The following PDE4D variants were observed in gnomAD, a reference collection of about 807,000 sequenced individuals.
PDE4D encodes the protein 3',5'-cyclic-AMP phosphodiesterase 4D.
A neutral mutation model predicts 87.4 loss-of-function variants in PDE4D; 24 were observed. The observed-to-expected ratio is 0.27, with a 90% CI of 0.20 to 0.39. The LOEUF (loss-of-function observed/expected upper bound fraction) is 0.39. PDE4D is among the 10% of genes least tolerant of loss of function. The probability of loss-of-function intolerance (pLI) is 1.00; values close to 1 mark genes in which losing one functional copy is unlikely to be tolerated. For synonymous variants in PDE4D, 384 were observed against 383.2 expected, an observed-to-expected ratio of 1.00 and a Z score of -0.02; for missense variants, 714 against 1,041.0, an observed-to-expected ratio of 0.69 and a Z score of 4.32.
chr5:59,644,440 C>G lies in PDE4D; in HGVS notation c.455+248728G>C, dbSNP rs552051750. Among the ~76,000 whole-genome samples the G allele has an allele frequency of 2.6e-5, 4 of 152,250 alleles. No individual in the cohort carries two copies. The South Asian group carries it at 8.3e-4, about 32-fold the overall frequency. On this transcript the variant is annotated intron_variant, in intron 1 of 14. Transcript: ENST00000340635. ...GTACCTGACTCATCTTTGGCCAGAACAACAGGAGCAAATCTGGTATTACAG... is the reference window on the plus strand; with the variant it reads ...GTACCTGACTCATCTTTGGCCAGAAGAACAGGAGCAAATCTGGTATTACAG...
intron 1 of PDE4D, among the ~76,000 whole-genome samples, chr5:59,372,594 T>G (rs531938792): frequency 6.6e-6 from 1 of 152,192 alleles, no homozygotes; most frequent in Non-Finnish European, 1.5e-5. Context: ...CTATCACTCC[T>G]GCTTGTGGGG....
At chr5:59,905,594 CCT>C (rs1752728979) in intron 3 of PDE4D, among the ~76,000 whole-genome samples, 2 of 152,106 alleles carry the variant, frequency 1.3e-5, no homozygotes, top group East Asian at 1.9e-4. Flanking sequence ...GTTACATTAA[CCT>C]CTCTGTCAGT....
chr5:59,899,335 T>G (rs2152761129), intron 3 of PDE4D, among the ~76,000 whole-genome samples: 1 of 152,198 alleles, frequency 6.6e-6, no homozygotes, highest in African/African-American at 2.4e-5. Flanking sequence ...TATTGAGCAC[T>G]TAATATGTGC....
At chr5:59,852,432 C>A (rs1389524858) in intron 1 of PDE4D, among the ~76,000 whole-genome samples, 1 of 152,060 alleles carries the variant, frequency 6.6e-6, no homozygotes, top group African/African-American at 2.4e-5. Context: ...CATGAAGATC[C>A]TTAAGCTGCC....
chr5:59,009,801 A>C (rs1336286044), intron 6 of PDE4D, among the ~76,000 whole-genome samples: 3 of 152,208 alleles, frequency 2.0e-5, no homozygotes, highest in Non-Finnish European at 4.4e-5. Flanking sequence ...TAACTTTGAA[A>C]AATATTAGCT....
At chr5:59,337,032 G>A (rs1777783031) in intron 1 of PDE4D, among the ~76,000 whole-genome samples, 1 of 152,122 alleles carries the variant, frequency 6.6e-6, no homozygotes, top group Non-Finnish European at 1.5e-5. Flanking sequence ...ATTTTACTGT[G>A]AGCAGGCTCT....
chr5:60,495,832 A>T (rs1749786219), intron 1 of PDE4D, among the ~76,000 whole-genome samples: 1 of 152,228 alleles, frequency 6.6e-6, no homozygotes, highest in African/African-American at 2.4e-5. Flanking sequence ...AAAAGATTAC[A>T]CAGGGGTATC....
At chr5:59,716,847 T>C (rs1349170551) in intron 1 of PDE4D, among the ~76,000 whole-genome samples, 1 of 152,160 alleles carries the variant, frequency 6.6e-6, no homozygotes, top group African/African-American at 2.4e-5. Flanking sequence ...AATCATATAA[T>C]GAAGCCATGT....
chr5:59,410,146 T>C (rs1414673457), intron 1 of PDE4D, among the ~76,000 whole-genome samples: 3 of 152,210 alleles, frequency 2.0e-5, no homozygotes, highest in South Asian at 2.1e-4. Context: ...CACCCTCTTA[T>C]GCTATCAAAT....
chr5:59,663,235 C>A (rs935465734), intron 1 of PDE4D, among the ~76,000 whole-genome samples: 2 of 151,896 alleles, frequency 1.3e-5, no homozygotes, highest in African/African-American at 4.8e-5. Flanking sequence ...CGTGATCTTG[C>A]CTCACTGCGA....
At chr5:59,078,658 G>A (rs1766127111) in intron 5 of PDE4D, among the ~76,000 whole-genome samples, 1 of 151,962 alleles carries the variant, frequency 6.6e-6, no homozygotes, top group African/African-American at 2.4e-5. Flanking sequence ...ACAGGCACAT[G>A]CCACCATGCC....
At chr5:60,498,542 A>T (rs951943997) in intron 1 of PDE4D, among the ~76,000 whole-genome samples, 1 of 152,198 alleles carries the variant, frequency 6.6e-6, no homozygotes, top group Non-Finnish European at 1.5e-5. Flanking sequence ...CCAGCATCCT[A>T]GCTGCTAAGG....
intron 1 of PDE4D, among the ~76,000 whole-genome samples, chr5:59,569,097 C>T (rs968768627): frequency 3.9e-5 from 6 of 152,204 alleles, no homozygotes; most frequent in South Asian, 4.2e-4. Context: ...AAAGTAAACT[C>T]GTACAATCAA....
chr5:59,690,096 T>C (rs1224787181), intron 1 of PDE4D, among the ~76,000 whole-genome samples: 2 of 152,160 alleles, frequency 1.3e-5, no homozygotes, highest in African/African-American at 2.4e-5. Context: ...GAACATTCCA[T>C]GCTCATAGAT....
chr5:59,627,667 T>G (rs73099674), intron 1 of PDE4D, among the ~76,000 whole-genome samples: 1 of 152,172 alleles, frequency 6.6e-6, no homozygotes, highest in Non-Finnish European at 1.5e-5. Context: ...CCTTGAAGCA[T>G]CAGATTTTTA....
intron 3 of PDE4D, among the ~76,000 whole-genome samples, chr5:59,961,989 A>C (rs1759522331): frequency 6.6e-6 from 1 of 152,210 alleles, no homozygotes; most frequent in Non-Finnish European, 1.5e-5. Context: ...GAATGTTTAA[A>C]CAAGTGAAAA....
chr5:59,592,161 G>C (rs1383826909), intron 1 of PDE4D: 2 of 982,814 alleles, frequency 2.0e-6, no homozygotes, highest in East Asian at 1.1e-4. Context: ...CCCAGGAACA[G>C]AACAGTGTCT....
chr5:59,685,724 A>ATT (rs10640783), intron 1 of PDE4D, among the ~76,000 whole-genome samples: 4,016 of 150,720 alleles, frequency 0.027, 144 homozygotes, highest in African/African-American at 0.082. Flanking sequence ...AAAATAACAG[A>ATT]TTTTTTTTTT....
At chr5:59,385,338 T>C (rs984370950) in intron 1 of PDE4D, among the ~76,000 whole-genome samples, 1 of 152,194 alleles carries the variant, frequency 6.6e-6, no homozygotes, top group Non-Finnish European at 1.5e-5. Context: ...TTTTTGGATC[T>C]TGCATCACTA....
Sources: allele counts gnomAD v4.1 joint callset (sites outside exome capture counted in the v4.1 genomes callset), GRCh38; gene constraint gnomAD v4.1.1; transcripts MANE v1.5; gene names NCBI Gene and HGNC (gene_info 2026-07-23, HGNC 2026-07-21).